Variants in BRF1 observed in about 807,000 individuals in gnomAD.
BRF1 encodes BRF1 general transcription factor IIIB subunit.
A neutral mutation model predicts 81.7 loss-of-function variants in BRF1; 59 were observed. That is an observed-to-expected ratio of 0.72 (90% CI 0.59 to 0.90). BRF1 has a LOEUF of 0.90. Ranked by LOEUF, BRF1 falls within the 40% of genes least tolerant of loss-of-function variation. BRF1 has a pLI of 0.00. For synonymous variants in BRF1, 491 were observed against 395.6 expected (o/e 1.24, Z -2.86); for missense variants, 1,050 against 936.3 (o/e 1.12, Z -1.58).
At chr14:105,260,829 A>C (rs1595412244) in intron 3 of BRF1, among the ~76,000 whole-genome samples, 1 of 152,364 alleles carries the variant, frequency 6.6e-6, no homozygotes, top group East Asian at 1.9e-4. Context: ...AGGCGCTTTC[A>C]GGGAAGTTTC....
intron 7 of BRF1, chr14:105,228,334 C>T (rs587605603): frequency 4.6e-4 from 71 of 153,252 alleles, no homozygotes; most frequent in East Asian, 4.2e-3. Flanking sequence ...GGGCAGATCA[C>T]GAGGTCAGGA....
intron 11 of BRF1, among the ~76,000 whole-genome samples, chr14:105,220,376 C>T (rs1011933186): frequency 6.6e-5 from 10 of 152,234 alleles, no homozygotes; most frequent in African/African-American, 1.2e-4. Flanking sequence ...AACCCCAGCA[C>T]TTCTGTGCTT....
intron 6 of BRF1, among the ~76,000 whole-genome samples, chr14:105,229,199 T>G (rs972480636): frequency 1.3e-5 from 2 of 152,064 alleles, no homozygotes; most frequent in African/African-American, 2.4e-5. Flanking sequence ...ACAAACTAAC[T>G]CTAAGATGAC....
chr14:105,227,039 C>G, intron 7 of BRF1: 1 of 384,708 alleles, frequency 2.6e-6, no homozygotes, highest in Admixed American at 4.5e-5. Context: ...TCGCTTGAGC[C>G]CAGGAGGTTG....
chr14:105,292,959 C>T (rs4509939), intron 1 of BRF1, among the ~76,000 whole-genome samples: 24 of 152,260 alleles, frequency 1.6e-4, no homozygotes, highest in African/African-American at 5.1e-4. Flanking sequence ...AATTTGGTTA[C>T]GGAAAACAGG....
chr14:105,241,125 C>T (rs1047595043), intron 6 of BRF1, 140 bp downstream of exon 6: 2 of 1,384,710 alleles, frequency 1.4e-6, no homozygotes, highest in Non-Finnish European at 1.9e-6. Flanking sequence ...GTGGGCCAGG[C>T]CAGAGTCAGC....
intron 4 of BRF1, among the ~76,000 whole-genome samples, chr14:105,253,559 G>A (rs754568189): frequency 2.8e-4 from 42 of 152,248 alleles, no homozygotes; most frequent in Non-Finnish European, 5.6e-4. Context: ...TGACTCCAGG[G>A]TACTGGGAGA....
intron 1 of BRF1, among the ~76,000 whole-genome samples, chr14:105,294,763 C>T (rs759690321): frequency 6.6e-6 from 1 of 152,208 alleles, no homozygotes; most frequent in Non-Finnish European, 1.5e-5. Flanking sequence ...AAGGAGGCCA[C>T]TGTGGACCCC....
chr14:105,263,722 G>A (rs933460734), intron 3 of BRF1, among the ~76,000 whole-genome samples: 4 of 151,996 alleles, frequency 2.6e-5, no homozygotes, highest in Non-Finnish European at 5.9e-5. Context: ...TCAGGAGATC[G>A]AGACCATCCT....
At chr14:105,227,013 C>G (rs1158166995) in intron 7 of BRF1, 6 of 450,636 alleles carry the variant, frequency 1.3e-5, no homozygotes, top group African/African-American at 1.2e-4. Context: ...ACTTGGGAGG[C>G]TGAGGTCAGG....
chr14:105,216,095 G>A (rs1012858138), intron 15 of BRF1, among the ~76,000 whole-genome samples: 5 of 147,500 alleles, frequency 3.4e-5, no homozygotes, highest in Admixed American at 6.7e-5. Flanking sequence ...TACTGCATGC[G>A]CACAGACACA....
intron 7 of BRF1, 84 bp downstream of exon 7, chr14:105,228,736 G>A (rs1393105695): frequency 1.8e-5 from 26 of 1,484,022 alleles, no homozygotes; most frequent in Admixed American, 3.4e-5. Flanking sequence ...GTCCCGGGAG[G>A]TGGCGCCTGC....
intron 12 of BRF1, 29 bp from the exon 13 acceptor site, chr14:105,219,261 CT>C: frequency 1.2e-6 from 2 of 1,606,262 alleles, no homozygotes; most frequent in Non-Finnish European, 8.5e-7. Flanking sequence ...GTGGGGCTGG[CT>C]TTTAGCCTTC....
chr14:105,283,966 A>T (rs2057217178), intron 2 of BRF1, among the ~76,000 whole-genome samples: 1 of 152,182 alleles, frequency 6.6e-6, no homozygotes, highest in Non-Finnish European at 1.5e-5. Flanking sequence ...CGTGTGTGCC[A>T]GGAAGCCCTG....
At chr14:105,258,016 C>T (rs1232950187) in intron 3 of BRF1, among the ~76,000 whole-genome samples, 1 of 152,202 alleles carries the variant, frequency 6.6e-6, no homozygotes, top group African/African-American at 2.4e-5. Context: ...GAGTGAACCT[C>T]AATGTGAACT....
intron 2 of BRF1, among the ~76,000 whole-genome samples, chr14:105,278,540 G>C (rs75724033): frequency 6.6e-6 from 1 of 152,068 alleles, no homozygotes; most frequent in African/African-American, 2.4e-5. Flanking sequence ...CCTTGGAGTA[G>C]ATAAGAATTT....
chr14:105,281,614 C>G (rs905025083), intron 2 of BRF1, among the ~76,000 whole-genome samples: 3 of 152,116 alleles, frequency 2.0e-5, no homozygotes, highest in African/African-American at 7.2e-5. Context: ...GACTGCAGCT[C>G]GTGCACCACA....
rs1889872158 is a variant in BRF1, at chr14:105,209,801, G to T, written c.*750C>A. On this transcript the variant is annotated 3_prime_UTR_variant, in exon 18 of 18. Coordinates refer to ENST00000547530, the MANE Select transcript of BRF1 (RefSeq NM_001519.4). ...GGGTGGGCGCCGGTCTCAGCTGTCG[G>T]GCACTCAGTTCACCTGCCGGCAGCC... is the stretch of plus-strand genomic sequence containing the variant. 2 of 521,584 alleles carry T rather than the reference G, an allele frequency of 3.8e-6. No individual in the cohort carries two copies. Among genetic ancestry groups the T allele is most frequent in the African/African-American group, 4.0e-5 (2 of 50,230 alleles). The allele number at this position is 521,584 out of a possible 1,614,324, so 32.3% of individuals were successfully genotyped here. A position where few individuals can be genotyped will look rare whatever the true frequency, so the allele number is the denominator to read the frequency against.
At chr14:105,223,864 C>T (rs372868504) in intron 10 of BRF1, among the ~76,000 whole-genome samples, 24 of 152,344 alleles carry the variant, frequency 1.6e-4, no homozygotes, top group African/African-American at 3.4e-4. Context: ...AGAACTTTCA[C>T]GGGAGGAATG....
Sources: allele counts gnomAD v4.1 joint callset (sites outside exome capture counted in the v4.1 genomes callset), GRCh38; gene constraint gnomAD v4.1.1; transcripts MANE v1.5; gene names NCBI Gene and HGNC (gene_info 2026-07-23, HGNC 2026-07-21).